DLG2: variants seen among roughly 807,000 people sequenced by gnomAD.
DLG2 encodes the protein discs large MAGUK scaffold protein 2, also known as disks large homolog 2.
DLG2 carries 45 observed loss-of-function variants against 132.5 expected under a neutral mutation model. The observed-to-expected ratio is 0.34, with a 90% CI of 0.27 to 0.44. The LOEUF (loss-of-function observed/expected upper bound fraction) is 0.44, where lower values mean the gene tolerates loss of function less well. DLG2 is among the 20% of genes least tolerant of loss of function. DLG2 has a pLI of 1.00. For synonymous variants in DLG2, 424 were observed against 419.6 expected (o/e 1.01, Z -0.13); for missense variants, 1,045 against 1,196.9 (o/e 0.87, Z 1.87).
At chr11:83,759,118 T>G (rs922950025) in intron 18 of DLG2, among the ~76,000 whole-genome samples, 1 of 152,168 alleles carries the variant, frequency 6.6e-6, no homozygotes, top group African/African-American at 2.4e-5. Context: ...GAATAAGAAG[T>G]ACATAAATTA....
intron 16 of DLG2, among the ~76,000 whole-genome samples, chr11:83,864,011 A>G (rs72958273): frequency 0.087 from 13,282 of 152,200 alleles, 767 homozygotes; most frequent in African/African-American, 0.16. Flanking sequence ...CCTTTGCAAA[A>G]CTGAATAGGC....
rs187541852 is a variant in DLG2 at position 84,990,665 on chromosome 11, T to C, written c.357+120996A>G. Among the ~76,000 whole-genome samples, 6 of 119,176 alleles carry C rather than the reference T, an allele frequency of 5.0e-5. No individual in the cohort carries two copies. In the East Asian group the frequency reaches 1.9e-3, roughly 38 times the overall value. The allele number at this position is 119,176 out of a possible 152,430, so 78.2% of individuals were successfully genotyped here. ...AAAACCATGATGAGATACCACCACA[T>C]ACCTATTAAAATTCATAAAATAAGA... is the stretch of plus-strand genomic sequence containing the variant. On this transcript the variant is annotated intron_variant, in intron 6 of 27. Transcript: ENST00000376104.
intron 8 of DLG2, among the ~76,000 whole-genome samples, chr11:84,198,056 T>C (rs2154296716): frequency 6.6e-6 from 1 of 152,284 alleles, no homozygotes; most frequent in East Asian, 1.9e-4. Flanking sequence ...GCCATACTTT[T>C]TCTGGGTTTG....
At chr11:83,951,351 G>A (rs897684329) in intron 14 of DLG2, among the ~76,000 whole-genome samples, 1 of 152,066 alleles carries the variant, frequency 6.6e-6, no homozygotes, top group African/African-American at 2.4e-5. Flanking sequence ...GAGCCATAAA[G>A]CTTATAGCCC....
chr11:84,302,847 G>A (rs1442147515), intron 7 of DLG2, among the ~76,000 whole-genome samples: 1 of 152,036 alleles, frequency 6.6e-6, no homozygotes, highest in Non-Finnish European at 1.5e-5. Context: ...AGCACTTTGG[G>A]AGACCGAGGA....
rs190623655 is a variant in DLG2 at position 84,053,947 on chromosome 11, A to C, written c.919+5368T>G. On this transcript the variant is annotated intron_variant, in intron 11 of 27. Coordinates refer to ENST00000376104, the MANE Select transcript of DLG2 (RefSeq NM_001142699.3). ...AAGTATGTATCTATAGAGATATGAG[A>C]ATTTAAAAACATTTTAAAAAATAAT... Among the ~76,000 whole-genome samples the C allele has an allele frequency of 4.6e-4, 70 of 151,754 alleles. 1 individual carries two copies. Among genetic ancestry groups the C allele is most frequent in the Admixed American group, 3.9e-3 (60 of 15,216 alleles).
At chr11:83,473,407 C>G (rs2092295943) in intron 22 of DLG2, among the ~76,000 whole-genome samples, 1 of 152,122 alleles carries the variant, frequency 6.6e-6, no homozygotes, top group South Asian at 2.1e-4. Flanking sequence ...AAGGAAGACA[C>G]AGTAGTAAAA....
intron 21 of DLG2, among the ~76,000 whole-genome samples, chr11:83,519,720 T>G (rs1011086858): frequency 2.6e-5 from 4 of 152,256 alleles, no homozygotes; most frequent in Non-Finnish European, 4.4e-5. Flanking sequence ...TTGCCAAATG[T>G]GAGCTTTGCC....
chr11:84,670,754 G>C (rs1483109864), intron 6 of DLG2, among the ~76,000 whole-genome samples: 1 of 152,040 alleles, frequency 6.6e-6, no homozygotes, highest in East Asian at 1.9e-4. Flanking sequence ...ACTTAGTCCT[G>C]TCTGATTCAA....
intron 6 of DLG2, among the ~76,000 whole-genome samples, chr11:84,767,664 C>T (rs141479958): frequency 2.8e-4 from 43 of 151,766 alleles, no homozygotes; most frequent in African/African-American, 1.0e-3. Context: ...ATGATTGATT[C>T]CATTGGAAAA....
At chr11:84,226,054 G>A (rs934425117) in intron 8 of DLG2, among the ~76,000 whole-genome samples, 2 of 152,094 alleles carry the variant, frequency 1.3e-5, no homozygotes, top group Admixed American at 6.5e-5. Context: ...CAAGTGATCC[G>A]CCTGCCTTGG....
intron 7 of DLG2, among the ~76,000 whole-genome samples, chr11:84,279,512 T>C (rs2097828289): frequency 6.6e-6 from 1 of 152,234 alleles, no homozygotes; most frequent in Admixed American, 6.5e-5. Context: ...TGCACATGTA[T>C]GTTTATTGTG....
At chr11:85,101,375 A>T (rs979208993) in intron 6 of DLG2, among the ~76,000 whole-genome samples, 1 of 152,192 alleles carries the variant, frequency 6.6e-6, no homozygotes, top group Admixed American at 6.6e-5. Flanking sequence ...AATACAGTAA[A>T]ATCATAGAAT....
intron 7 of DLG2, among the ~76,000 whole-genome samples, chr11:84,303,392 T>C (rs1364274584): frequency 3.9e-5 from 6 of 152,224 alleles, no homozygotes; most frequent in Admixed American, 1.3e-4. Context: ...TGTTCAATCA[T>C]AGATTTTTTA....
In DLG2 at chr11:85,066,842, T is replaced by G. The variant is rs559973810; in HGVS notation, c.357+44819A>C. Among the ~76,000 whole-genome samples the G allele has an allele frequency of 3.3e-5, 5 of 151,860 alleles. No homozygotes were observed. The South Asian group carries it at 1.0e-3, about 31-fold the overall frequency. On this transcript the variant is annotated intron_variant, in intron 6 of 27. Coordinates refer to ENST00000376104, the MANE Select transcript of DLG2 (RefSeq NM_001142699.3). ...AACCTACAGACAACATGGGGAAAAGTTGAAAGCATTCTCCCTAAGAACTGG... is the reference window on the plus strand; with the variant it reads ...AACCTACAGACAACATGGGGAAAAGGTGAAAGCATTCTCCCTAAGAACTGG...
chr11:84,166,372 T>G, intron 8 of DLG2, among the ~76,000 whole-genome samples: 1 of 150,994 alleles, frequency 6.6e-6, no homozygotes, highest in Middle Eastern at 3.2e-3. Flanking sequence ...CAGGGTGGCG[T>G]GCACCTGTAG....
intron 6 of DLG2, among the ~76,000 whole-genome samples, chr11:84,910,420 AT>A (rs1259369046): frequency 2.0e-5 from 3 of 152,118 alleles, no homozygotes; most frequent in African/African-American, 4.8e-5. Flanking sequence ...GTATTATAAA[AT>A]TTTTTAGACA....
intron 4 of DLG2, among the ~76,000 whole-genome samples, chr11:85,230,181 C>T (rs1374471796): frequency 6.6e-6 from 1 of 151,978 alleles, no homozygotes; most frequent in East Asian, 1.9e-4. Context: ...ATGGCTATCT[C>T]TCAGGGGTAG....
intron 5 of DLG2, among the ~76,000 whole-genome samples, chr11:85,146,226 C>CT (rs879586526): frequency 0.058 from 7,490 of 130,176 alleles, 265 homozygotes; most frequent in East Asian, 0.082. Context: ...GTCTGTTTCT[C>CT]CCTCTCTCTC....
Sources: allele counts gnomAD v4.1 joint callset (sites outside exome capture counted in the v4.1 genomes callset), GRCh38; gene constraint gnomAD v4.1.1; transcripts MANE v1.5; gene names NCBI Gene and HGNC (gene_info 2026-07-23, HGNC 2026-07-21).